Variants in SYT7 observed in about 807,000 individuals in gnomAD.
SYT7 encodes synaptotagmin-7.
A neutral mutation model predicts 75.1 loss-of-function variants in SYT7; 29 were observed. That is an observed-to-expected ratio of 0.39 (90% confidence interval 0.29 to 0.53). The LOEUF (loss-of-function observed/expected upper bound fraction) is 0.53. Ranked by LOEUF, SYT7 falls within the 20% of genes least tolerant of loss-of-function variation. The probability of loss-of-function intolerance (pLI) is 0.77; values close to 1 mark genes in which losing one functional copy is unlikely to be tolerated. For missense variants in SYT7, 693 were observed against 953.2 expected (o/e 0.73, Z 3.59); for synonymous variants, 376 against 401.7 (o/e 0.94, Z 0.76).
chr11:61,574,172 C>T (rs940677110), intron 1 of SYT7, among the ~76,000 whole-genome samples: 5 of 152,324 alleles, frequency 3.3e-5, no homozygotes, highest in East Asian at 3.9e-4. Flanking sequence ...GAACAGCTAC[C>T]GCTGGCTGAG....
chr11:61,530,977 C>A lies in SYT7; in HGVS notation c.1200+2012G>T, dbSNP rs1359296790. 5.1e-6 allele frequency: 5 copies of A among 985,310 alleles called. No individual in the cohort carries two copies. In the East Asian group the frequency reaches 3.4e-4, roughly 67 times the overall value. 61.0% of individuals were successfully genotyped at this position (985,310 alleles called of 1,614,324 possible). On this transcript the variant is annotated intron_variant, in intron 8 of 12. Coordinates refer to ENST00000539008, the MANE Select transcript of SYT7 (RefSeq NM_001365809.2). ...CACCCCTATACCAGGGCAGGAGGTG[C>A]CCAGAAGCAGGTGTGGCCTCGCCTC...
At chr11:61,573,243 A>G (rs2063973980) in intron 1 of SYT7, among the ~76,000 whole-genome samples, 1 of 152,268 alleles carries the variant, frequency 6.6e-6, no homozygotes, top group East Asian at 1.9e-4. Flanking sequence ...AACTGTGTCC[A>G]CAGGGCCCTG....
intron 1 of SYT7, among the ~76,000 whole-genome samples, chr11:61,560,281 G>A (rs1378230055): frequency 6.6e-6 from 1 of 152,188 alleles, no homozygotes; most frequent in African/African-American, 2.4e-5. Context: ...GTTGCCTGGA[G>A]TCTCTCTGGG....
chr11:61,529,643 TTG>T (rs1316510143), intron 8 of SYT7, among the ~76,000 whole-genome samples: 27 of 152,160 alleles, frequency 1.8e-4, no homozygotes, highest in Admixed American at 1.8e-3. Context: ...TGATAGTTTT[TTG>T]TTTTTTTGAG....
rs72914250 is a variant in SYT7 at position 61,517,853 on chromosome 11, C to T, written c.*774G>A. On this transcript the variant is annotated 3_prime_UTR_variant, in exon 13 of 13. Transcript: ENST00000539008. ...GCACCAAGGGGAGAAGGGGAGGAGA[C>T]GGGGGGATGGCAGGAGGCAGCCCAG... The T allele has an allele frequency of 0.049, 12,957 of 264,952 alleles. 812 individuals are homozygous for T. Among genetic ancestry groups the T allele is most frequent in the African/African-American group, 0.17 (7,576 of 43,418 alleles). The allele number at this position is 264,952 out of a possible 1,614,324, so 16.4% of individuals were successfully genotyped here. A position where few individuals can be genotyped will look rare whatever the true frequency, so the allele number is the denominator to read the frequency against.
intron 1 of SYT7, among the ~76,000 whole-genome samples, chr11:61,577,257 C>T (rs1184661513): frequency 6.6e-6 from 1 of 152,260 alleles, no homozygotes; most frequent in Non-Finnish European, 1.5e-5. Flanking sequence ...ACTTGCCCAG[C>T]CTCAGGTCCT....
chr11:61,566,587 G>T (rs967973053), intron 1 of SYT7, among the ~76,000 whole-genome samples: 1 of 152,232 alleles, frequency 6.6e-6, no homozygotes, highest in African/African-American at 2.4e-5. Context: ...GAGCAGCTGT[G>T]AAAATGATCA....
Position 61,523,435 on chromosome 11 carries a change from G to A in SYT7, c.1757-161C>T, listed in dbSNP as rs1489126772. ...GAACAAGAGGGACCTGGGAGAATCA[G>A]CAGATGGACCTTAGCGATCACCTGG... is the stretch of plus-strand genomic sequence containing the variant. On this transcript the variant is annotated intron_variant, in intron 11 of 12. Coordinates refer to ENST00000539008, the MANE Select transcript of SYT7 (RefSeq NM_001365809.2). This position sits in a 1 kb window ranked among gnomAD's most constrained non-coding sequence, Gnocchi z 5.0. Among the ~76,000 whole-genome samples the A allele has an allele frequency of 6.6e-6, 1 of 152,108 alleles. No homozygotes were observed. Among genetic ancestry groups the A allele is most frequent in the Non-Finnish European group, 1.5e-5 (1 of 68,010 alleles).
At chr11:61,519,370 T>C (rs886085474) in intron 12 of SYT7, among the ~76,000 whole-genome samples, 4 of 152,232 alleles carry the variant, frequency 2.6e-5, no homozygotes, top group Admixed American at 1.3e-4. Flanking sequence ...ACCCCCAGGA[T>C]TGGCCCAGCT....
At position 61,546,277 on chromosome 11, in the gene SYT7, C is replaced by A; in HGVS notation, c.348-22G>T. ...GCCACTGGAGGCATGCACGAGGCAG[C>A]CAGGCCAGAGGGGCACCGGGGGTGG... is the stretch of plus-strand genomic sequence containing the variant. On this transcript the variant is annotated intron_variant, in intron 4 of 12. Transcript: ENST00000539008. This position sits in a 1 kb window ranked among gnomAD's most constrained non-coding sequence, Gnocchi z 7.6. The A allele has an allele frequency of 3.5e-6, 5 of 1,417,710 alleles. No individual in the cohort carries two copies. Among genetic ancestry groups the A allele is most frequent in the Non-Finnish European group, 4.6e-6 (5 of 1,093,900 alleles). The allele number at this position is 1,417,710 out of a possible 1,614,324, so 87.8% of individuals were successfully genotyped here.
At chr11:61,567,901 G>A (rs548492556) in intron 1 of SYT7, among the ~76,000 whole-genome samples, 1 of 152,374 alleles carries the variant, frequency 6.6e-6, no homozygotes, top group Admixed American at 6.5e-5. Flanking sequence ...CATCCTGGCC[G>A]CTTTGGGGCT....
rs2062140278 is a variant in SYT7, at chr11:61,516,034, T to C, written c.*2593A>G. On this transcript the variant is annotated 3_prime_UTR_variant, in exon 13 of 13. Coordinates refer to ENST00000539008, the MANE Select transcript of SYT7 (RefSeq NM_001365809.2). The surrounding 1 kb of genome is among the most constrained non-coding windows in gnomAD (Gnocchi z 4.6). ...AGGTGAAGTATTATTACCATCATTTTACAGATGGGGAAACCGAGGCCCAGG... is the reference window on the plus strand; with the variant it reads ...AGGTGAAGTATTATTACCATCATTTCACAGATGGGGAAACCGAGGCCCAGG... The C allele has an allele frequency of 6.6e-6, 1 of 152,662 alleles. No individual in the cohort carries two copies. Among genetic ancestry groups the C allele is most frequent in the African/African-American group, 2.4e-5 (1 of 41,424 alleles). 9.5% of individuals were successfully genotyped at this position (152,662 alleles called of 1,614,324 possible). A position where few individuals can be genotyped will look rare whatever the true frequency, so the allele number is the denominator to read the frequency against.
intron 1 of SYT7, among the ~76,000 whole-genome samples, chr11:61,559,079 C>T (rs1475666477): frequency 6.6e-6 from 1 of 152,196 alleles, no homozygotes; most frequent in Non-Finnish European, 1.5e-5. Flanking sequence ...TGACTTTGGA[C>T]AAGTGTATTA....
chr11:61,528,114 G>A lies in SYT7; in HGVS notation c.1272C>T (p.Phe424=), dbSNP rs2062582284. Residue 424 remains phenylalanine, a synonymous_variant, in exon 9 of 13, where the codon TTC becomes TTT. Coordinates refer to ENST00000539008, the MANE Select transcript of SYT7 (RefSeq NM_001365809.2). ...ACTCCTGGAAGTTGTAGCCGACACT[G>A]AACTGGATCCGGCCCAGGTTCTCTC... ...CSRENLGRIQ[F]SVGYNFQEST... 1 of 1,613,586 alleles carries A rather than the reference G, an allele frequency of 6.2e-7. No individual in the cohort carries two copies. The highest frequency in any genetic ancestry group is 1.7e-5 in the Admixed American group (1 of 59,996).
rs571610142 is a variant in SYT7 at position 61,527,943 on chromosome 11, G to A, written c.1443C>T (p.Pro481=). ...ETKVKRKNLN[P]HWNETFLFEG... ...CAAAGAGGAAGGTCTCGTTCCAGTGGGGGTTCAGGTTCTTCCGCTTCACCT... is the reference window on the plus strand; with the variant it reads ...CAAAGAGGAAGGTCTCGTTCCAGTGAGGGTTCAGGTTCTTCCGCTTCACCT... Residue 481 remains proline (P), a synonymous_variant, in exon 9 of 13, where the codon CCC becomes CCT. Transcript: ENST00000539008. 30 of 1,614,156 alleles carry A rather than the reference G, an allele frequency of 1.9e-5. No homozygotes were observed. The highest frequency in any genetic ancestry group is 2.5e-5 in the Non-Finnish European group (30 of 1,180,034).
chr11:61,556,301 A>T (rs1046684516), intron 1 of SYT7, 94 bp from the exon 2 acceptor site: 1 of 971,524 alleles, frequency 1.0e-6, no homozygotes, highest in African/African-American at 1.6e-5. Flanking sequence ...CCTACCCTCC[A>T]TCTGGCCCCT....
At chr11:61,532,258 T>C (rs1174291158) in intron 8 of SYT7, among the ~76,000 whole-genome samples, 4 of 152,230 alleles carry the variant, frequency 2.6e-5, no homozygotes, top group Non-Finnish European at 5.9e-5. Flanking sequence ...CTGAGACTTC[T>C]GAGCTAATCC....
chr11:61,523,784 C>A lies in SYT7; in HGVS notation c.1756+43G>T. On this transcript the variant is annotated intron_variant, in intron 11 of 12. Coordinates refer to ENST00000539008, the MANE Select transcript of SYT7 (RefSeq NM_001365809.2). The surrounding 1 kb of genome is among the most constrained non-coding windows in gnomAD (Gnocchi z 5.0). ...TCCGGTGTAAACCTTGTGTCACCAG[C>A]ACCTCCCCGGCCCGCCCATCCTCTG... 6.3e-7 allele frequency: 1 copy of A among 1,585,606 alleles called. No individual in the cohort carries two copies. Among genetic ancestry groups the A allele is most frequent in the South Asian group, 1.1e-5 (1 of 90,120 alleles).
intron 6 of SYT7, among the ~76,000 whole-genome samples, chr11:61,541,461 G>C (rs1322922215): frequency 6.6e-6 from 1 of 152,116 alleles, no homozygotes; most frequent in Non-Finnish European, 1.5e-5. Context: ...TGGGCGAATG[G>C]CTGGTGGGAA....
Sources: gnomAD v4.1 joint callset for allele counts (sites outside exome capture counted in the v4.1 genomes callset) on GRCh38, gnomAD v4.1.1 for gene constraint, Gnocchi (gnomAD v3.1) non-coding constraint, MANE v1.5 for transcripts, NCBI Gene and HGNC (gene_info 2026-07-23, HGNC 2026-07-21) for gene names.